The following IL6ST variants were observed in gnomAD, a reference collection of about 807,000 sequenced individuals.
IL6ST encodes interleukin 6 cytokine family signal transducer, also known as interleukin-6 receptor subunit beta.
IL6ST carries 24 observed loss-of-function variants against 91.3 expected under a neutral mutation model. That is an observed-to-expected ratio of 0.26 (90% CI 0.19 to 0.37). The LOEUF (loss-of-function observed/expected upper bound fraction) is 0.37, where lower values mean the gene tolerates loss of function less well. Among genes scored for constraint, IL6ST ranks in the 10% least tolerant of loss-of-function variants. The pLI is 1.00. For synonymous variants in IL6ST, 351 were observed against 373.6 expected (o/e 0.94, Z 0.70); for missense variants, 914 against 1,078.5 (o/e 0.85, Z 2.14).
At chr5:55,953,810 G>A (rs1365171669) in intron 11 of IL6ST, among the ~76,000 whole-genome samples, 1 of 152,166 alleles carries the variant, frequency 6.6e-6, no homozygotes, top group African/African-American at 2.4e-5. Context: ...GCAACACAGT[G>A]AGATTCCCTC....
At chr5:55,980,529 G>A (rs1332676705) in intron 2 of IL6ST, among the ~76,000 whole-genome samples, 4 of 152,130 alleles carry the variant, frequency 2.6e-5, no homozygotes, top group African/African-American at 7.2e-5. Context: ...CAGGCTGGGC[G>A]ACAGAGTGAA....
chr5:55,947,958 C>A (rs1751378088), intron 14 of IL6ST, among the ~76,000 whole-genome samples: 2 of 152,006 alleles, frequency 1.3e-5, no homozygotes, highest in Admixed American at 1.3e-4. Flanking sequence ...TCTCTGAGTT[C>A]TAATACTGTA....
At chr5:55,959,155 C>T (rs1040782413) in intron 8 of IL6ST, among the ~76,000 whole-genome samples, 39 of 152,202 alleles carry the variant, frequency 2.6e-4, no homozygotes, top group African/African-American at 9.4e-4. Flanking sequence ...GCACTAACCA[C>T]AATATTTTAC....
At chr5:55,956,788 A>T (rs11574770) in intron 9 of IL6ST, among the ~76,000 whole-genome samples, 13,451 of 152,260 alleles carry the variant, frequency 0.088, 677 homozygotes, top group Middle Eastern at 0.14. Context: ...TAGTAAAAAT[A>T]GTAATCAAAT....
chr5:55,948,079 C>T (rs1751388003), intron 14 of IL6ST, among the ~76,000 whole-genome samples: 1 of 152,096 alleles, frequency 6.6e-6, no homozygotes, highest in African/African-American at 2.4e-5. Flanking sequence ...ATGCAACTCT[C>T]AGAAGTTTTA....
At chr5:55,994,033 G>A (rs1404937633) in intron 1 of IL6ST, 1 of 86,238 alleles carries the variant, frequency 1.2e-5, no homozygotes, top group Admixed American at 1.7e-4. Flanking sequence ...GCCAAAATGC[G>A]TTTCCTTCTG....
Position 55,976,222 on chromosome 5 carries a change from TTC to T in IL6ST, c.55_56del (p.Glu19IlefsTer4). ...VQALFIFLTT[E>X]STGELLDPCG... ...GTATTTCATGAACCTTACCTGTAGA[TTC>T]AGTGGTGAGGAAAATAAACAAGGCT... On this transcript the variant is annotated frameshift_variant, in exon 3 of 17. Transcript: ENST00000381298. LOFTEE classifies it high-confidence loss of function. 1 of 1,574,362 alleles carries T rather than the reference TTC, an allele frequency of 6.4e-7. No individual in the cohort carries two copies. The highest frequency in any genetic ancestry group is 1.2e-5 in the South Asian group (1 of 85,134).
At chr5:55,993,568 G>C (rs1754454155) in intron 1 of IL6ST, among the ~76,000 whole-genome samples, 1 of 151,940 alleles carries the variant, frequency 6.6e-6, no homozygotes, top group Non-Finnish European at 1.5e-5. Context: ...AAATTAAACT[G>C]GTATTGTCAA....
intron 1 of IL6ST, among the ~76,000 whole-genome samples, chr5:55,993,507 T>C (rs1457315458): frequency 3.3e-5 from 5 of 152,250 alleles, no homozygotes; most frequent in Non-Finnish European, 5.9e-5. Flanking sequence ...GACTATATTA[T>C]ATTAAATTAG....
chr5:55,982,410 A>C (rs946396209), intron 2 of IL6ST, among the ~76,000 whole-genome samples: 1 of 152,164 alleles, frequency 6.6e-6, no homozygotes, highest in Non-Finnish European at 1.5e-5. Context: ...AAGATGAAGA[A>C]AATTTCTATA....
chr5:55,985,807 C>T (rs1269214379), intron 1 of IL6ST, among the ~76,000 whole-genome samples: 1 of 152,134 alleles, frequency 6.6e-6, no homozygotes, highest in East Asian at 1.9e-4. Context: ...GCAAGCTTTT[C>T]ATGTATGAGG....
intron 11 of IL6ST, among the ~76,000 whole-genome samples, chr5:55,952,582 T>C (rs892437857): frequency 1.3e-5 from 2 of 152,202 alleles, no homozygotes; most frequent in African/African-American, 4.8e-5. Context: ...AGAACAATGA[T>C]GGTATTTACA....
chr5:55,971,466 T>C lies in IL6ST; in HGVS notation c.65-1611A>G, dbSNP rs186854218. Among the ~76,000 whole-genome samples, 5 of 152,382 alleles carry C rather than the reference T, an allele frequency of 3.3e-5. No homozygotes were observed. The East Asian group carries it at 9.6e-4, about 29-fold the overall frequency. The stretch of plus-strand genomic sequence containing the variant: ...TACTTTAAATTATTTAGTGGCTACC[T>C]ACTACCAAGATAAAAGTCCCAACTA... On this transcript the variant is annotated intron_variant, in intron 3 of 16. Transcript: ENST00000381298.
intron 15 of IL6ST, among the ~76,000 whole-genome samples, chr5:55,945,040 C>CAAAAAAA (rs368225632): frequency 1.4e-5 from 1 of 71,936 alleles, no homozygotes. Context: ...GGAATTAAAT[C>CAAAAAAA]AAAAAAAAAA....
intron 1 of IL6ST, among the ~76,000 whole-genome samples, chr5:55,984,899 AGT>A (rs1273973164): frequency 6.6e-6 from 1 of 152,200 alleles, no homozygotes; most frequent in Non-Finnish European, 1.5e-5. Context: ...ACTAACACAT[AGT>A]GTGTGTCCCC....
At chr5:55,958,232 A>G (rs989955100) in intron 8 of IL6ST, among the ~76,000 whole-genome samples, 1 of 152,184 alleles carries the variant, frequency 6.6e-6, no homozygotes, top group African/African-American at 2.4e-5. Flanking sequence ...CAGCAACCCA[A>G]GTAGCTGGGG....
intron 1 of IL6ST, among the ~76,000 whole-genome samples, chr5:55,988,366 A>T (rs2111933311): frequency 6.6e-6 from 1 of 152,220 alleles, no homozygotes; most frequent in East Asian, 1.9e-4. Flanking sequence ...TCACATGACA[A>T]ACTATTAGGA....
chr5:55,955,925 G>A, intron 10 of IL6ST, 100 bp downstream of exon 10: 1 of 666,172 alleles, frequency 1.5e-6, no homozygotes, highest in Non-Finnish European at 2.7e-6. Context: ...TGATACTGAG[G>A]AGACAGTCTT....
intron 14 of IL6ST, chr5:55,950,159 A>G (rs762923962): frequency 1.2e-5 from 6 of 488,500 alleles, no homozygotes; most frequent in Admixed American, 8.5e-5. Flanking sequence ...GCTTTGGCAT[A>G]GAACGAGGGA....
Sources: allele counts gnomAD v4.1 joint callset (sites outside exome capture counted in the v4.1 genomes callset), GRCh38; gene constraint gnomAD v4.1.1; transcripts MANE v1.5; gene names NCBI Gene and HGNC (gene_info 2026-07-23, HGNC 2026-07-21).